Variants in CELF2 observed in about 807,000 individuals in gnomAD.
The protein encoded by CELF2 is CUG triplet repeat RNA-binding protein 2.
In CELF2, 8 loss-of-function variants were observed where a neutral mutation model predicts 62.6. The ratio of observed to expected loss-of-function variants is 0.13; its 90% CI spans 0.07 to 0.23. The LOEUF (loss-of-function observed/expected upper bound fraction) is 0.23. Ranked by LOEUF, CELF2 falls within the 10% of genes least tolerant of loss-of-function variation. The pLI, the probability that CELF2 is intolerant of heterozygous loss-of-function variation, is 1.00. For missense variants in CELF2, 333 were observed against 671.0 expected (o/e 0.50, Z 5.56); for synonymous variants, 258 against 250.0 (o/e 1.03, Z -0.30).
chr10:11,230,102 C>A (rs2068083272), intron 3 of CELF2, among the ~76,000 whole-genome samples: 1 of 152,134 alleles, frequency 6.6e-6, no homozygotes, highest in South Asian at 2.1e-4. Flanking sequence ...AAGCAGCAGT[C>A]ACGTCATCTG....
the CELF2 span, among the ~76,000 whole-genome samples, chr10:10,617,113 A>G: frequency 2.0e-5 from 3 of 152,162 alleles, no homozygotes; most frequent in Non-Finnish European, 4.4e-5. Flanking sequence ...ACAATTTTAC[A>G]TACAGCAAAT....
At chr10:10,597,379 TC>T in the CELF2 span, among the ~76,000 whole-genome samples, 1 of 152,228 alleles carries the variant, frequency 6.6e-6, no homozygotes, top group Non-Finnish European at 1.5e-5. Context: ...TTTTTATGTC[TC>T]ATATACCACA....
chr10:10,470,285 A>T, the CELF2 span, among the ~76,000 whole-genome samples: 10,497 of 151,658 alleles, frequency 0.069, 479 homozygotes, highest in Non-Finnish European at 0.099. Context: ...CCTTTTTTTT[A>T]AAATGAGTTT....
Position 11,075,643 on chromosome 10 carries a change from C to T in CELF2, c.74+57480C>T, listed in dbSNP as rs2773497. ...GGGTCTACAGTGAATGTTGGTTTAG[C>T]GTTCACTTAGAGACTTGTCTTTGGC... On this transcript the variant is annotated intron_variant, in intron 1 of 12. Transcript: ENST00000633077. This position sits in a 1 kb window ranked among gnomAD's most constrained non-coding sequence, Gnocchi z 5.4. 0.06 allele frequency among the ~76,000 whole-genome samples: 9,174 copies of T among 152,124 alleles called. 463 individuals are homozygous for T. The highest frequency in any genetic ancestry group is 0.15 in the African/African-American group (6,024 of 41,472).
the CELF2 span, among the ~76,000 whole-genome samples, chr10:10,554,721 T>A: frequency 6.6e-6 from 1 of 152,198 alleles, no homozygotes; most frequent in Non-Finnish European, 1.5e-5. Flanking sequence ...TTCCATCGTC[T>A]ATGTAAATAT....
At chr10:10,676,153 T>G in the CELF2 span, among the ~76,000 whole-genome samples, 11 of 152,204 alleles carry the variant, frequency 7.2e-5, no homozygotes, top group East Asian at 3.9e-4. Context: ...AGTGAGTTTG[T>G]GCCTCTGAAC....
intron 1 of CELF2, among the ~76,000 whole-genome samples, chr10:11,153,700 C>T (rs184703490): frequency 5.0e-4 from 76 of 152,316 alleles, no homozygotes; most frequent in East Asian, 2.5e-3. Flanking sequence ...TACAATTAAC[C>T]GTGATCTTAT....
chr10:10,521,952 C>T, the CELF2 span, among the ~76,000 whole-genome samples: 8,131 of 152,068 alleles, frequency 0.053, 707 homozygotes, highest in African/African-American at 0.19. Context: ...ATGGGGGTAA[C>T]GGGGCTCTGC....
Position 10,972,565 on chromosome 10 carries a change from C to A in CELF2, c.89+52566C>A, listed in dbSNP as rs957876688. Among the ~76,000 whole-genome samples, 6 of 152,164 alleles carry A rather than the reference C, an allele frequency of 3.9e-5. No individual in the cohort carries two copies. The highest frequency in any genetic ancestry group is 2.1e-4 in the South Asian group (1 of 4,826). On this transcript the variant is annotated intron_variant, in intron 2 of 13. Transcript: ENST00000636488. This position sits in a 1 kb window ranked among gnomAD's most constrained non-coding sequence, Gnocchi z 4.4. ...TTCTTTCTATATATTTACTCCCTGG[C>A]TGAGCTCATCTCTCTTACGGGTTCA...
chr10:11,287,963 C>T (rs2091747534), intron 8 of CELF2, among the ~76,000 whole-genome samples: 1 of 152,208 alleles, frequency 6.6e-6, no homozygotes, highest in African/African-American at 2.4e-5. Context: ...CTGAGTTTAC[C>T]TTGAAGCCCT....
At chr10:10,747,205 A>G in the CELF2 span, among the ~76,000 whole-genome samples, 1 of 152,320 alleles carries the variant, frequency 6.6e-6, no homozygotes, top group South Asian at 2.1e-4. Flanking sequence ...GCTGTTCTAA[A>G]GAAATCATCC....
chr10:11,107,430 T>C (rs1048613868), intron 1 of CELF2, among the ~76,000 whole-genome samples: 1 of 152,046 alleles, frequency 6.6e-6, no homozygotes, highest in African/African-American at 2.4e-5. Flanking sequence ...TGTTTTGGAG[T>C]GCGGTCTGTA....
chr10:11,261,549 C>T (rs1465516674), intron 5 of CELF2, among the ~76,000 whole-genome samples: 2 of 152,118 alleles, frequency 1.3e-5, no homozygotes, highest in Admixed American at 6.5e-5. Context: ...CACGACTCTA[C>T]GTGGAAAGCA....
At chr10:10,660,360 A>T in the CELF2 span, among the ~76,000 whole-genome samples, 2 of 152,192 alleles carry the variant, frequency 1.3e-5, no homozygotes, top group African/African-American at 4.8e-5. Flanking sequence ...TGTGTGTTGG[A>T]GCAAAGGTCT....
At chr10:10,490,568 T>TG in the CELF2 span, among the ~76,000 whole-genome samples, 296 of 150,670 alleles carry the variant, frequency 2.0e-3, no homozygotes, top group African/African-American at 5.1e-3. Flanking sequence ...TCTATCTGGT[T>TG]GGGGGGGGGT....
At chr10:10,522,091 C>T in the CELF2 span, among the ~76,000 whole-genome samples, 1 of 152,226 alleles carries the variant, frequency 6.6e-6, no homozygotes, top group Non-Finnish European at 1.5e-5. Context: ...AACTTCCTCA[C>T]ATCTACTGCA....
intron 1 of CELF2, among the ~76,000 whole-genome samples, chr10:10,892,396 C>T (rs915258795): frequency 6.6e-6 from 1 of 152,118 alleles, no homozygotes; most frequent in African/African-American, 2.4e-5. Flanking sequence ...ATCTCCTTGG[C>T]CTGACCTGGA....
At chr10:11,197,213 GT>G (rs959753446) in intron 2 of CELF2, among the ~76,000 whole-genome samples, 2 of 151,966 alleles carry the variant, frequency 1.3e-5, no homozygotes, top group Non-Finnish European at 2.9e-5. Flanking sequence ...GTTGAACGTG[GT>G]CAGTGACTTG....
At chr10:10,951,073 C>T (rs1334553569) in intron 2 of CELF2, among the ~76,000 whole-genome samples, 2 of 152,168 alleles carry the variant, frequency 1.3e-5, no homozygotes, top group South Asian at 2.1e-4. Flanking sequence ...AGACACTTGG[C>T]GTCTACAAAA....
Sources: gnomAD v4.1 joint callset for allele counts (sites outside exome capture counted in the v4.1 genomes callset) on GRCh38, gnomAD v4.1.1 for gene constraint, Gnocchi (gnomAD v3.1) non-coding constraint, MANE v1.5 for transcripts, NCBI Gene and HGNC (gene_info 2026-07-23, HGNC 2026-07-21) for gene names.